CLIC5: variants seen among roughly 807,000 people sequenced by gnomAD.
The protein encoded by CLIC5 is chloride intracellular channel protein 5.
CLIC5 carries 20 observed loss-of-function variants against 24.7 expected under a neutral mutation model. The observed-to-expected ratio is 0.81, with a 90% CI of 0.57 to 1.18. The LOEUF is 1.18. CLIC5 is among the 50% of genes most tolerant of loss of function. CLIC5 has a pLI of 0.00. For synonymous variants in CLIC5, 159 were observed against 135.6 expected (o/e 1.17, Z -1.20); for missense variants, 341 against 326.1 (o/e 1.05, Z -0.35).
chr6:46,067,005 G>A (rs548737364), intron 1 of CLIC5, among the ~76,000 whole-genome samples: 3 of 152,186 alleles, frequency 2.0e-5, no homozygotes, highest in African/African-American at 7.2e-5. Context: ...GGTTGCTAGG[G>A]GCAGAACATG....
At chr6:46,054,560 T>G (rs530436544) in intron 1 of CLIC5, among the ~76,000 whole-genome samples, 1 of 152,202 alleles carries the variant, frequency 6.6e-6, no homozygotes, top group African/African-American at 2.4e-5. Flanking sequence ...TATAGACTAT[T>G]TGTGTCTCCC....
chr6:45,965,775 T>G (rs1207445126), intron 1 of CLIC5, among the ~76,000 whole-genome samples: 1 of 152,234 alleles, frequency 6.6e-6, no homozygotes, highest in African/African-American at 2.4e-5. Flanking sequence ...TGTCAAAAGC[T>G]TTGCTTTCCT....
intron 3 of CLIC5, among the ~76,000 whole-genome samples, chr6:45,947,561 C>A (rs545889629): frequency 9.9e-5 from 15 of 152,138 alleles, no homozygotes; most frequent in Admixed American, 9.2e-4. Flanking sequence ...ATGATCATGA[C>A]GGAAGCCCCC....
At chr6:46,016,133 G>A (rs1238422289), upstream of CLIC5, among the ~76,000 whole-genome samples, 1 of 138,760 alleles carries the variant, frequency 7.2e-6, no homozygotes, top group East Asian at 2.4e-4. Flanking sequence ...GGAAGGGGAA[G>A]AGGAAGGGGA....
the CLIC5 span, among the ~76,000 whole-genome samples, chr6:46,101,747 T>G: frequency 6.6e-6 from 1 of 152,220 alleles, no homozygotes; most frequent in Non-Finnish European, 1.5e-5. Flanking sequence ...TTGAACCTAG[T>G]GCAGGGGCTC....
At chr6:46,033,818 T>G (rs1236982777) in intron 1 of CLIC5, among the ~76,000 whole-genome samples, 1 of 152,248 alleles carries the variant, frequency 6.6e-6, no homozygotes, top group East Asian at 1.9e-4. Context: ...TCAATATATC[T>G]CTATTAAATA....
At chr6:46,125,813 G>T in the CLIC5 span, among the ~76,000 whole-genome samples, 3 of 152,044 alleles carry the variant, frequency 2.0e-5, no homozygotes, top group Admixed American at 2.0e-4. Context: ...TAAATAGGTA[G>T]ATTATCAACA....
intron 4 of CLIC5, among the ~76,000 whole-genome samples, chr6:45,918,662 T>A (rs994007213): frequency 1.3e-5 from 2 of 152,244 alleles, no homozygotes; most frequent in African/African-American, 2.4e-5. Flanking sequence ...GACCGTTGTC[T>A]GTAGATTGGA....
intron 1 of CLIC5, among the ~76,000 whole-genome samples, chr6:45,973,660 C>T (rs921681246): frequency 4.6e-5 from 7 of 152,262 alleles, no homozygotes; most frequent in East Asian, 1.9e-4. Context: ...AATAGGTGGC[C>T]GGGCACAGTG....
upstream of CLIC5, chr6:46,015,958 G>C: frequency 1.0e-6 from 1 of 956,660 alleles, no homozygotes; most frequent in Non-Finnish European, 1.2e-6. Context: ...GCTCGGGCCT[G>C]GGCCGGGCCA....
At chr6:45,919,211 C>G (rs1763152464) in intron 4 of CLIC5, 1 of 608,766 alleles carries the variant, frequency 1.6e-6, no homozygotes, top group Non-Finnish European at 2.1e-6. Context: ...ACCTGCCCCT[C>G]CTTGCTCTCC....
At chr6:45,922,954 G>A (rs1763333174) in intron 4 of CLIC5, among the ~76,000 whole-genome samples, 2 of 152,100 alleles carry the variant, frequency 1.3e-5, no homozygotes, top group African/African-American at 2.4e-5. Flanking sequence ...CTTTAGCCAT[G>A]GGGCAGTGGC....
At chr6:45,920,847 A>G (rs996226676) in intron 4 of CLIC5, among the ~76,000 whole-genome samples, 5 of 152,164 alleles carry the variant, frequency 3.3e-5, no homozygotes, top group African/African-American at 1.2e-4. Context: ...AGATGCTGCT[A>G]TAACGAGCTC....
At chr6:46,080,103 T>C in exon 1 of CLIC5, 1 of 1,551,714 alleles carries the variant, frequency 6.4e-7, no homozygotes, top group Non-Finnish European at 8.7e-7. Context: ...CTGAGTGGCA[T>C]ATAAATCATT....
At chr6:45,932,558 G>T in intron 4 of CLIC5, 1 of 152,532 alleles carries the variant, frequency 6.6e-6, no homozygotes, top group Non-Finnish European at 1.5e-5. Context: ...GACCCCCGGG[G>T]TAGGGAGGAC....
chr6:45,983,396 G>T (rs1765628672), intron 1 of CLIC5, among the ~76,000 whole-genome samples: 1 of 152,222 alleles, frequency 6.6e-6, no homozygotes, highest in Non-Finnish European at 1.5e-5. Flanking sequence ...TTGGGTAAGT[G>T]ATGTCAATAT....
chr6:45,922,983 C>T (rs1352418049), intron 4 of CLIC5, among the ~76,000 whole-genome samples: 1 of 152,056 alleles, frequency 6.6e-6, no homozygotes, highest in East Asian at 1.9e-4. Flanking sequence ...CTGGCTTATC[C>T]CTGAGCAAAC....
intron 4 of CLIC5, among the ~76,000 whole-genome samples, chr6:45,929,101 C>A (rs901539688): frequency 1.3e-5 from 2 of 152,092 alleles, no homozygotes; most frequent in Non-Finnish European, 2.9e-5. Flanking sequence ...CGCCCACCCA[C>A]GCAGGGCCCA....
At chr6:45,955,702 C>G (rs1764619814) in intron 1 of CLIC5, among the ~76,000 whole-genome samples, 1 of 152,050 alleles carries the variant, frequency 6.6e-6, no homozygotes, top group African/African-American at 2.4e-5. Context: ...CTTCGGCTAC[C>G]TAGCCAAAAT....
Sources: allele counts gnomAD v4.1 joint callset (sites outside exome capture counted in the v4.1 genomes callset), GRCh38; gene constraint gnomAD v4.1.1; transcripts MANE v1.5; gene names NCBI Gene and HGNC (gene_info 2026-07-23, HGNC 2026-07-21).